Variants in FMO5 observed in about 807,000 individuals in gnomAD.
FMO5 encodes the protein flavin-containing monooxygenase 5.
Under a neutral mutation model 43.6 loss-of-function variants are expected in FMO5, and 51 were observed. The observed-to-expected ratio is 1.17, with a 90% CI of 0.93 to 1.48. FMO5 has a LOEUF of 1.48. Ranked by LOEUF, FMO5 falls within the 40% of genes most tolerant of loss-of-function variation. The probability of loss-of-function intolerance (pLI) is 0.00; values close to 1 mark genes in which losing one functional copy is unlikely to be tolerated. For missense variants in FMO5, 644 were observed against 643.0 expected, an observed-to-expected ratio of 1.00 and a Z score of -0.02; for synonymous variants, 187 against 216.5, an observed-to-expected ratio of 0.86 and a Z score of 1.20.
chr1:147,186,815 G>GA lies in FMO5; in HGVS notation c.*84dup. On this transcript the variant is annotated 3_prime_UTR_variant, in exon 9 of 9. Transcript: ENST00000254090. ...ATTAAAGTAGATTTCTGGGCAATATGAAACTGAGAGTCAATCTCGTCAGAT... is the reference window on the plus strand; with the variant it reads ...ATTAAAGTAGATTTCTGGGCAATATGAAAACTGAGAGTCAATCTCGTCAGAT... 6.6e-7 allele frequency: 1 copy of GA among 1,517,658 alleles called. No individual in the cohort carries two copies. 94.0% of individuals were successfully genotyped at this position (1,517,658 alleles called of 1,614,324 possible). A position where few individuals can be genotyped will look rare whatever the true frequency, so the allele number is the denominator to read the frequency against.
At position 147,190,277 on chromosome 1, in the gene FMO5, G is replaced by T. The variant is rs374317380; in HGVS notation, c.1184-28C>A. 41 of 1,342,088 alleles carry T rather than the reference G, an allele frequency of 3.1e-5. No individual in the cohort carries two copies. In the South Asian group the frequency reaches 4.6e-4, roughly 15 times the overall value. The allele number at this position is 1,342,088 out of a possible 1,614,324, so 83.1% of individuals were successfully genotyped here. ...AAAAACAAAAATTAACATTTTAACT[G>T]TAAAATTACCTCAGAAGGAACAATA... On this transcript the variant is annotated intron_variant, in intron 7 of 8. Coordinates refer to ENST00000254090, the MANE Select transcript of FMO5 (RefSeq NM_001461.4).
At chr1:147,191,370 G>C (rs587597581) in intron 7 of FMO5, among the ~76,000 whole-genome samples, 3 of 152,010 alleles carry the variant, frequency 2.0e-5, no homozygotes, top group Admixed American at 6.6e-5. Context: ...TTTAATGATC[G>C]CCATTCTAAC....
rs1391990984 is a variant in FMO5 at position 147,206,162 on chromosome 1, A to C, written c.830+2690T>G. On this transcript the variant is annotated intron_variant, in intron 6 of 8. Transcript: ENST00000254090. ...ATTTATGCAGCCAACAGACACATGA[A>C]AAAATGCTCATCATCACTGGCCATC... Among the ~76,000 whole-genome samples, 5 of 150,726 alleles carry C rather than the reference A, an allele frequency of 3.3e-5. 1 individual carries two copies. The highest frequency in any genetic ancestry group is 7.4e-5 in the Non-Finnish European group (5 of 67,754).
intron 8 of FMO5, 105 bp from the exon 9 acceptor site, chr1:147,187,350 A>T: frequency 1.3e-6 from 1 of 756,052 alleles, no homozygotes; most frequent in African/African-American, 1.8e-5. Context: ...TCAGACTAGG[A>T]GCTGTGGAAT....
intron 8 of FMO5, among the ~76,000 whole-genome samples, chr1:147,187,739 G>T (rs1655885459): frequency 1.3e-5 from 2 of 152,168 alleles, no homozygotes; most frequent in South Asian, 4.1e-4. Flanking sequence ...GAGGGAGAAT[G>T]ATTTATTCCA....
intron 2 of FMO5, among the ~76,000 whole-genome samples, chr1:147,222,922 A>G (rs1663307575): frequency 6.6e-6 from 1 of 152,218 alleles, no homozygotes; most frequent in Non-Finnish European, 1.5e-5. Context: ...GATGCTTAGT[A>G]AAGACACCAC....
chr1:147,209,064 A>T lies in FMO5; in HGVS notation c.631-13T>A. 6.2e-7 allele frequency: 1 copy of T among 1,609,254 alleles called. No homozygotes were observed. The highest frequency in any genetic ancestry group is 8.5e-7 in the Non-Finnish European group (1 of 1,176,776). On this transcript the variant is annotated splice_polypyrimidine_tract_variant and intron_variant, in intron 5 of 8. Coordinates refer to ENST00000254090, the MANE Select transcript of FMO5 (RefSeq NM_001461.4). ...TGCTGAGGAAAACCTGGGGCATGGA[A>T]GAAATTGTTTGCTTTTGTCACTCAG...
chr1:147,204,193 A>C (rs1010937121), intron 6 of FMO5: 1 of 1,368,282 alleles, frequency 7.3e-7, no homozygotes, highest in Non-Finnish European at 1.0e-6. Context: ...TTATCATGCC[A>C]TCAAAAGGAC....
chr1:147,190,904 A>G (rs587637284), intron 7 of FMO5, among the ~76,000 whole-genome samples: 6 of 151,862 alleles, frequency 4.0e-5, no homozygotes, highest in South Asian at 2.1e-4. Context: ...TGATTGTTCA[A>G]TTCCCACCTA....
chr1:147,203,344 A>G (rs1462086990), intron 6 of FMO5: 15 of 1,464,728 alleles, frequency 1.0e-5, no homozygotes, highest in African/African-American at 2.8e-5. Context: ...TGGTTTTGCC[A>G]TGATTACCTG....
intron 6 of FMO5, chr1:147,203,551 C>T (rs1659430084): frequency 1.0e-6 from 1 of 959,034 alleles, no homozygotes; most frequent in Non-Finnish European, 1.7e-6. Context: ...GGCCTTAACT[C>T]CAGAGTTTTC....
intron 2 of FMO5, among the ~76,000 whole-genome samples, chr1:147,220,390 A>C (rs782133200): frequency 6.6e-6 from 1 of 152,330 alleles, no homozygotes; most frequent in Admixed American, 6.5e-5. Flanking sequence ...CTATAGATAC[A>C]ATGCAATCTC....
chr1:147,203,496 A>G, intron 6 of FMO5: 1 of 860,304 alleles, frequency 1.2e-6, no homozygotes, highest in Admixed American at 1.7e-5. Context: ...CAACATTTTT[A>G]TTTCCTTCTT....
At chr1:147,206,339 C>T (rs1186800068) in intron 6 of FMO5, among the ~76,000 whole-genome samples, 1 of 152,152 alleles carries the variant, frequency 6.6e-6, no homozygotes, top group Non-Finnish European at 1.5e-5. Context: ...CTAGTTCAAC[C>T]ATTGTGGAAG....
intron 7 of FMO5, among the ~76,000 whole-genome samples, chr1:147,200,501 G>A (rs1192053582): frequency 1.3e-5 from 2 of 151,938 alleles, no homozygotes; most frequent in Non-Finnish European, 2.9e-5. Flanking sequence ...CAGTTGTAAT[G>A]TTCTAGAACA....
At chr1:147,197,380 A>G (rs1658186854) in intron 7 of FMO5, among the ~76,000 whole-genome samples, 1 of 152,124 alleles carries the variant, frequency 6.6e-6, no homozygotes, top group Admixed American at 6.5e-5. Context: ...TGCTGAATGA[A>G]CAAATCATTA....
In FMO5 at chr1:147,212,532, A is replaced by G. The variant is rs782768099; in HGVS notation, c.491T>C (p.Ile164Thr). ...AHLPLESFPG[I>T]EKFKGQYFHS... is the part of the protein sequence containing the mutation. ...GAAGTACTGCCCTTTGAACTTCTCA[A>G]TTCCTGCAAGAGAAGGGAAAATAAT... The change falls in exon 5 of 9, where the codon ATT becomes ACT. Residue 164 changes from isoleucine (I) to threonine (T), a missense_variant. By Grantham distance (89) the Ile-to-Thr change is moderately conservative. Coordinates refer to ENST00000254090, the MANE Select transcript of FMO5 (RefSeq NM_001461.4). 3.7e-6 allele frequency: 6 copies of G among 1,611,452 alleles called. No individual in the cohort carries two copies. The Admixed American group carries it at 8.4e-5, about 23-fold the overall frequency.
intron 6 of FMO5, chr1:147,203,517 A>T: frequency 2.3e-6 from 2 of 884,042 alleles, no homozygotes; most frequent in South Asian, 2.6e-5. Context: ...GAGGTACTGC[A>T]TAAAGTTTAG....
chr1:147,217,595 A>C (rs1388659871), intron 2 of FMO5, among the ~76,000 whole-genome samples: 1 of 152,178 alleles, frequency 6.6e-6, no homozygotes, highest in Non-Finnish European at 1.5e-5. Context: ...TCAATCTAGG[A>C]ATCCTAAATT....
Sources: allele counts gnomAD v4.1 joint callset (sites outside exome capture counted in the v4.1 genomes callset), GRCh38; gene constraint gnomAD v4.1.1; transcripts MANE v1.5; gene names NCBI Gene and HGNC (gene_info 2026-07-23, HGNC 2026-07-21).